CHURC1: variants seen among roughly 807,000 people sequenced by gnomAD.
CHURC1 encodes churchill domain containing 1.
CHURC1 carries 12 observed loss-of-function variants against 15.4 expected under a neutral mutation model. That is an observed-to-expected ratio of 0.78 (90% CI 0.50 to 1.27). The LOEUF (loss-of-function observed/expected upper bound fraction) is 1.27, where lower values mean the gene tolerates loss of function less well. Ranked by LOEUF, CHURC1 falls within the 50% of genes most tolerant of loss-of-function variation. The probability of loss-of-function intolerance (pLI) is 0.00; values close to 1 mark genes in which losing one functional copy is unlikely to be tolerated. For synonymous variants in CHURC1, 42 were observed against 47.5 expected, an observed-to-expected ratio of 0.88 and a Z score of 0.48; for missense variants, 132 against 137.8, an observed-to-expected ratio of 0.96 and a Z score of 0.21.
chr14:64,927,009 A>G (rs3949937), intron 3 of CHURC1, among the ~76,000 whole-genome samples: 40,231 of 152,070 alleles, frequency 0.26, 6,088 homozygotes, highest in African/African-American at 0.41. Flanking sequence ...TGTGAACTAC[A>G]TATTTGTCCA....
In CHURC1 at chr14:64,927,781, G is replaced by A. The variant is rs142036676; in HGVS notation, c.246+1701G>A. ...ATCATATTAATTTTCTTAAAATAAT[G>A]TTTTCAAAGCTGGGCACAGTGGTGT... On this transcript the variant is annotated intron_variant, in intron 3 of 3. Coordinates refer to ENST00000549115, the MANE Select transcript of CHURC1 (RefSeq NM_001386928.1). Among the ~76,000 whole-genome samples the A allele has an allele frequency of 5.0e-3, 648 of 129,866 alleles. 7 individuals are homozygous for A. The highest frequency in any genetic ancestry group is 0.018 in the African/African-American group (623 of 34,090). 85.2% of individuals were successfully genotyped at this position (129,866 alleles called of 152,430 possible). A position where few individuals can be genotyped will look rare whatever the true frequency, so the allele number is the denominator to read the frequency against.
At chr14:64,927,221 G>T (rs1306332570) in intron 3 of CHURC1, among the ~76,000 whole-genome samples, 1 of 152,102 alleles carries the variant, frequency 6.6e-6, no homozygotes, top group African/African-American at 2.4e-5. Flanking sequence ...ATATGTTGTG[G>T]TTAATCTAAA....
chr14:64,934,791 A>C lies in CHURC1; in HGVS notation c.*2561A>C. 2 of 985,390 alleles carry C rather than the reference A, an allele frequency of 2.0e-6. No homozygotes were observed. Among genetic ancestry groups the C allele is most frequent in the South Asian group, 4.7e-5 (1 of 21,292 alleles). The allele number at this position is 985,390 out of a possible 1,614,324, so 61.0% of individuals were successfully genotyped here. A position where few individuals can be genotyped will look rare whatever the true frequency, so the allele number is the denominator to read the frequency against. On this transcript the variant is annotated 3_prime_UTR_variant, in exon 4 of 4. Transcript: ENST00000549115. ...TAGTCATTTGAAGCCCAAGAGTCTA[A>C]TTTTATATGCCCTGCCAATGTCCTC...
rs1885135239 is a variant in CHURC1 at position 64,932,491 on chromosome 14, A to G, written c.*261A>G. On this transcript the variant is annotated 3_prime_UTR_variant, in exon 4 of 4. Coordinates refer to ENST00000549115, the MANE Select transcript of CHURC1 (RefSeq NM_001386928.1). ...GCAGTTATGTGGTCAGAAAACAACT[A>G]GAATGGGAGCACACCTGGTGCCCAG... 3 of 1,162,326 alleles carry G rather than the reference A, an allele frequency of 2.6e-6. No homozygotes were observed. Among genetic ancestry groups the G allele is most frequent in the Middle Eastern group, 3.7e-4 (1 of 2,728 alleles). 72.0% of individuals were successfully genotyped at this position (1,162,326 alleles called of 1,614,324 possible). A position where few individuals can be genotyped will look rare whatever the true frequency, so the allele number is the denominator to read the frequency against.
At chr14:64,924,827 T>C (rs1747101439) in intron 2 of CHURC1, among the ~76,000 whole-genome samples, 1 of 152,240 alleles carries the variant, frequency 6.6e-6, no homozygotes, top group African/African-American at 2.4e-5. Flanking sequence ...ATTTAACTGT[T>C]CACATTCCCT....
chr14:64,918,205 ATAAT>A (rs1555383008), intron 1 of CHURC1, among the ~76,000 whole-genome samples: 1 of 152,246 alleles, frequency 6.6e-6, no homozygotes, highest in Non-Finnish European at 1.5e-5. Flanking sequence ...CTGTTCTAAA[ATAAT>A]TAAAAGACTG....
intron 2 of CHURC1, 44 bp downstream of exon 2, chr14:64,924,170 C>T (rs1198950000): frequency 6.4e-7 from 1 of 1,564,944 alleles, no homozygotes; most frequent in East Asian, 2.3e-5. Context: ...TAGCAGGTGT[C>T]AGCTTTTGGA....
chr14:64,924,020 C>CA lies in CHURC1; in HGVS notation c.69_70insA (p.Leu24IlefsTer12). ...ATACCTGCCTGGAGAATGGATCTTTCTTACTGAACTTTACAGGCTGTGCAG... is the reference window on the plus strand; with the variant it reads ...ATACCTGCCTGGAGAATGGATCTTTCATTACTGAACTTTACAGGCTGTGCAG... On this transcript the variant is annotated frameshift_variant, in exon 2 of 4. Transcript: ENST00000549115. LOFTEE classifies it high-confidence loss of function. 1 of 1,570,172 alleles carries CA rather than the reference C, an allele frequency of 6.4e-7. No homozygotes were observed. Among genetic ancestry groups the CA allele is most frequent in the East Asian group, 2.3e-5 (1 of 43,266 alleles).
chr14:64,928,761 C>T (rs1403566779), intron 3 of CHURC1, among the ~76,000 whole-genome samples: 1 of 152,112 alleles, frequency 6.6e-6, no homozygotes, highest in African/African-American at 2.4e-5. Context: ...CATTTCTGCC[C>T]TTGAGGTCCA....
chr14:64,929,716 A>G (rs1884967067), intron 3 of CHURC1, among the ~76,000 whole-genome samples: 1 of 152,210 alleles, frequency 6.6e-6, no homozygotes, highest in South Asian at 2.1e-4. Context: ...ATTTCAAAGC[A>G]AATTCCAAAC....
In CHURC1 at chr14:64,932,606, G is replaced by A. The variant is rs967528582; in HGVS notation, c.*376G>A. 31 of 297,080 alleles carry A rather than the reference G, an allele frequency of 1.0e-4. No homozygotes were observed. The highest frequency in any genetic ancestry group is 6.2e-4 in the African/African-American group (27 of 43,222). The allele number at this position is 297,080 out of a possible 1,614,324, so 18.4% of individuals were successfully genotyped here. A position where few individuals can be genotyped will look rare whatever the true frequency, so the allele number is the denominator to read the frequency against. On this transcript the variant is annotated 3_prime_UTR_variant, in exon 4 of 4. Coordinates refer to ENST00000549115, the MANE Select transcript of CHURC1 (RefSeq NM_001386928.1). ...ATGAACTGTACAAGATGAGCCTAGAGTATCTTGTGCCACAGAAAAATGAAG... is the reference window on the plus strand; with the variant it reads ...ATGAACTGTACAAGATGAGCCTAGAATATCTTGTGCCACAGAAAAATGAAG...
chr14:64,935,362 G>C lies in CHURC1; in HGVS notation c.*3132G>C. ...TAATAAAATAAAAAAAAAGGAATTAGGCAAAACATGGCTCTTCTTTTTACT... is the reference window on the plus strand; with the variant it reads ...TAATAAAATAAAAAAAAAGGAATTACGCAAAACATGGCTCTTCTTTTTACT... On this transcript the variant is annotated 3_prime_UTR_variant, in exon 4 of 4. Transcript: ENST00000549115. 1 of 970,788 alleles carries C rather than the reference G, an allele frequency of 1.0e-6. No individual in the cohort carries two copies. The highest frequency in any genetic ancestry group is 1.2e-6 in the Non-Finnish European group (1 of 816,756). 60.1% of individuals were successfully genotyped at this position (970,788 alleles called of 1,614,324 possible).
At chr14:64,915,256 C>T (rs892247818) in intron 1 of CHURC1, among the ~76,000 whole-genome samples, 5 of 152,168 alleles carry the variant, frequency 3.3e-5, no homozygotes, top group African/African-American at 1.2e-4. Context: ...CCTTGGCCTC[C>T]GAAAGTGCTG....
intron 3 of CHURC1, among the ~76,000 whole-genome samples, chr14:64,931,356 A>G (rs907410612): frequency 6.6e-6 from 1 of 152,158 alleles, no homozygotes; most frequent in Non-Finnish European, 1.5e-5. Context: ...CAACATAGTG[A>G]GACCCCATCT....
At chr14:64,915,998 A>G (rs1383642903) in intron 1 of CHURC1, among the ~76,000 whole-genome samples, 1 of 152,188 alleles carries the variant, frequency 6.6e-6, no homozygotes, top group East Asian at 1.9e-4. Context: ...CTGACTGCTA[A>G]TGGGTGATGC....
Position 64,933,453 on chromosome 14 carries a change from G to C in CHURC1, c.*1223G>C. On this transcript the variant is annotated 3_prime_UTR_variant, in exon 4 of 4. Coordinates refer to ENST00000549115, the MANE Select transcript of CHURC1 (RefSeq NM_001386928.1). The stretch of plus-strand genomic sequence containing the variant: ...GCACTGGCCAGGAGGTTATAAACTG[G>C]CATTTAGGCCTCTCTGCCATTTAGT... 1 of 985,406 alleles carries C rather than the reference G, an allele frequency of 1.0e-6. No individual in the cohort carries two copies. Among genetic ancestry groups the C allele is most frequent in the South Asian group, 4.7e-5 (1 of 21,286 alleles). The allele number at this position is 985,406 out of a possible 1,614,324, so 61.0% of individuals were successfully genotyped here.
In CHURC1 at chr14:64,933,259, G is replaced by A. The variant is rs747140988; in HGVS notation, c.*1029G>A. On this transcript the variant is annotated 3_prime_UTR_variant, in exon 4 of 4. Coordinates refer to ENST00000549115, the MANE Select transcript of CHURC1 (RefSeq NM_001386928.1). ...GCCTGAGAAGACATGACTGCTAGAT[G>A]TAATGTGGTATCCTACATGGAATTA... 19 of 467,648 alleles carry A rather than the reference G, an allele frequency of 4.1e-5. No homozygotes were observed. Among genetic ancestry groups the A allele is most frequent in the Non-Finnish European group, 5.3e-5 (19 of 356,272 alleles). 29.0% of individuals were successfully genotyped at this position (467,648 alleles called of 1,614,324 possible). A position where few individuals can be genotyped will look rare whatever the true frequency, so the allele number is the denominator to read the frequency against.
chr14:64,918,653 C>T (rs932845175), intron 1 of CHURC1, among the ~76,000 whole-genome samples: 1 of 152,090 alleles, frequency 6.6e-6, no homozygotes, highest in African/African-American at 2.4e-5. Context: ...CATAGTGAGA[C>T]CCCATCCTTA....
intron 1 of CHURC1, among the ~76,000 whole-genome samples, 183 bp from the exon 2 acceptor site, chr14:64,923,808 T>A (rs866928183): frequency 6.7e-6 from 1 of 149,776 alleles, no homozygotes; most frequent in Non-Finnish European, 1.5e-5. Flanking sequence ...TTTTTTTTTT[T>A]AACATGAGTA....
Sources: gnomAD v4.1 joint callset for allele counts (sites outside exome capture counted in the v4.1 genomes callset) on GRCh38, gnomAD v4.1.1 for gene constraint, MANE v1.5 for transcripts, NCBI Gene and HGNC (gene_info 2026-07-23, HGNC 2026-07-21) for gene names.